The following HS3ST4 variants were observed in gnomAD, a reference collection of about 807,000 sequenced individuals.
The protein encoded by HS3ST4 is heparan sulfate-glucosamine 3-sulfotransferase 4.
Under a neutral mutation model 29.2 loss-of-function variants are expected in HS3ST4, and 17 were observed. The ratio of observed to expected loss-of-function variants is 0.58; its 90% CI spans 0.40 to 0.87. The LOEUF is 0.87. Among genes scored for constraint, HS3ST4 ranks in the 40% least tolerant of loss-of-function variants. HS3ST4 has a pLI of 0.00. For synonymous variants in HS3ST4, 314 were observed against 285.7 expected, an observed-to-expected ratio of 1.10 and a Z score of -1.00; for missense variants, 627 against 634.5, an observed-to-expected ratio of 0.99 and a Z score of 0.13.
At chr16:25,982,421 G>T (rs1969016648) in intron 1 of HS3ST4, among the ~76,000 whole-genome samples, 1 of 152,156 alleles carries the variant, frequency 6.6e-6, no homozygotes, top group African/African-American at 2.4e-5. Context: ...TTTTGCCTCA[G>T]TCTCTCTTCC....
chr16:25,763,564 G>C (rs1300819719), intron 1 of HS3ST4, among the ~76,000 whole-genome samples: 3 of 152,182 alleles, frequency 2.0e-5, no homozygotes, highest in African/African-American at 7.2e-5. Context: ...AATAGACACT[G>C]TCTAAGTTAA....
At chr16:25,803,769 A>G (rs1478315266) in intron 1 of HS3ST4, among the ~76,000 whole-genome samples, 2 of 152,108 alleles carry the variant, frequency 1.3e-5, no homozygotes, top group Non-Finnish European at 2.9e-5. Context: ...TCTGACATCC[A>G]TTGCAGCAGA....
intron 1 of HS3ST4, among the ~76,000 whole-genome samples, chr16:26,042,080 G>T (rs1358987727): frequency 6.6e-6 from 1 of 152,114 alleles, no homozygotes; most frequent in African/African-American, 2.4e-5. Context: ...AGCAGAACTG[G>T]CTCTTATTCA....
At chr16:26,095,046 A>G (rs559649241) in intron 1 of HS3ST4, among the ~76,000 whole-genome samples, 2 of 152,262 alleles carry the variant, frequency 1.3e-5, no homozygotes, top group Non-Finnish European at 2.9e-5. Context: ...AAAGTGATCA[A>G]TTCAACAAGA....
intron 1 of HS3ST4, among the ~76,000 whole-genome samples, chr16:26,056,888 A>C (rs987172185): frequency 6.6e-6 from 1 of 152,240 alleles, no homozygotes; most frequent in African/African-American, 2.4e-5. Context: ...TATAAAATGT[A>C]TACCTATTTA....
At chr16:26,095,832 G>A (rs997319463) in intron 1 of HS3ST4, among the ~76,000 whole-genome samples, 3 of 152,100 alleles carry the variant, frequency 2.0e-5, no homozygotes, top group Admixed American at 6.6e-5. Flanking sequence ...CCAGGAGCTG[G>A]TTTTTTGAAA....
chr16:25,813,611 CA>C (rs1967064491), intron 1 of HS3ST4, among the ~76,000 whole-genome samples: 1 of 152,100 alleles, frequency 6.6e-6, no homozygotes, highest in Non-Finnish European at 1.5e-5. Flanking sequence ...AATAAACAGA[CA>C]AAAACATTGC....
chr16:25,994,444 C>T (rs116725291), intron 1 of HS3ST4, among the ~76,000 whole-genome samples: 1,750 of 152,160 alleles, frequency 0.012, 29 homozygotes, highest in African/African-American at 0.04. Flanking sequence ...TCATACAGTA[C>T]TGTAAAGAGC....
intron 1 of HS3ST4, among the ~76,000 whole-genome samples, chr16:25,717,638 A>G (rs1394327807): frequency 6.6e-6 from 1 of 151,930 alleles, no homozygotes; most frequent in Non-Finnish European, 1.5e-5. Context: ...CTAAAAGCTC[A>G]GAGTGCTGGA....
chr16:25,704,833 C>G (rs1180421600), intron 1 of HS3ST4, among the ~76,000 whole-genome samples: 2 of 148,756 alleles, frequency 1.3e-5, no homozygotes, highest in Non-Finnish European at 3.0e-5. Flanking sequence ...GAGCTGAGAT[C>G]ATGCCATCAC....
chr16:25,987,723 G>T lies in HS3ST4; in HGVS notation c.735-147889G>T, dbSNP rs2141726360. Among the ~76,000 whole-genome samples, 4 of 152,286 alleles carry T rather than the reference G, an allele frequency of 2.6e-5. No homozygotes were observed. In the Middle Eastern group the frequency reaches 0.01, roughly 388 times the overall value. On this transcript the variant is annotated intron_variant, in intron 1 of 1. Transcript: ENST00000331351. ...TTCTGTGGAGTCCTACCTGGACCTT[G>T]AGGAGGTTTTGGGAGAAACTTAGAT...
chr16:26,030,248 G>A (rs1306538689), intron 1 of HS3ST4, among the ~76,000 whole-genome samples: 1 of 152,136 alleles, frequency 6.6e-6, no homozygotes, highest in Non-Finnish European at 1.5e-5. Flanking sequence ...CTCTTCACCT[G>A]TAAAAAGGAA....
intron 1 of HS3ST4, among the ~76,000 whole-genome samples, chr16:26,058,826 A>G (rs1898442290): frequency 6.6e-6 from 1 of 152,150 alleles, no homozygotes; most frequent in Admixed American, 6.5e-5. Context: ...GGGAAAGGGA[A>G]TAGGTGAGGT....
intron 1 of HS3ST4, among the ~76,000 whole-genome samples, chr16:26,131,994 T>C (rs191761819): frequency 3.4e-4 from 52 of 152,312 alleles, no homozygotes; most frequent in African/African-American, 1.2e-3. Flanking sequence ...AACAAATCTT[T>C]AGCTTCTGGT....
intron 1 of HS3ST4, among the ~76,000 whole-genome samples, chr16:26,019,809 G>T (rs1969394680): frequency 6.6e-6 from 1 of 152,100 alleles, no homozygotes; most frequent in Admixed American, 6.6e-5. Context: ...CTCTATCCCT[G>T]TCCAAGCCGT....
intron 1 of HS3ST4, among the ~76,000 whole-genome samples, chr16:25,940,549 G>C (rs1439150510): frequency 6.6e-6 from 1 of 152,228 alleles, no homozygotes; most frequent in South Asian, 2.1e-4. Context: ...GCTATGCTGA[G>C]AGCTGGGAGA....
intron 1 of HS3ST4, among the ~76,000 whole-genome samples, chr16:25,761,301 G>A (rs536611826): frequency 1.3e-5 from 2 of 152,358 alleles, no homozygotes; most frequent in Admixed American, 1.3e-4. Context: ...AGATGGAAAT[G>A]TTCTCTGTGC....
intron 1 of HS3ST4, among the ~76,000 whole-genome samples, chr16:25,856,291 G>C (rs1967573305): frequency 6.6e-6 from 1 of 152,012 alleles, no homozygotes; most frequent in African/African-American, 2.4e-5. Context: ...CTTCAAGACT[G>C]GGGTCACCAG....
chr16:25,771,485 C>G (rs1966841974), intron 1 of HS3ST4, among the ~76,000 whole-genome samples: 1 of 152,016 alleles, frequency 6.6e-6, no homozygotes, highest in African/African-American at 2.4e-5. Context: ...CTCCTCTCTG[C>G]TTGGTGTACC....
Sources: allele counts gnomAD v4.1 joint callset (sites outside exome capture counted in the v4.1 genomes callset), GRCh38; gene constraint gnomAD v4.1.1; transcripts MANE v1.5; gene names NCBI Gene and HGNC (gene_info 2026-07-23, HGNC 2026-07-21).